Variants in MYO9A observed in about 807,000 individuals in gnomAD.
The protein encoded by MYO9A is myosin IXA, also known as unconventional myosin-IXa.
MYO9A carries 103 observed loss-of-function variants against 293.3 expected under a neutral mutation model. The ratio of observed to expected loss-of-function variants is 0.35; its 90% CI spans 0.30 to 0.41. The LOEUF is 0.41. Ranked by LOEUF, MYO9A falls within the 10% of genes least tolerant of loss-of-function variation. The pLI, the probability that MYO9A is intolerant of heterozygous loss-of-function variation, is 1.00. For synonymous variants in MYO9A, 1,001 were observed against 1,035.7 expected (o/e 0.97, Z 0.64); for missense variants, 2,685 against 3,033.0 (o/e 0.89, Z 2.69).
chr15:72,000,320 T>C (rs2076827627), intron 8 of MYO9A, among the ~76,000 whole-genome samples: 1 of 152,232 alleles, frequency 6.6e-6, no homozygotes, highest in South Asian at 2.1e-4. Context: ...AGGATATTTA[T>C]TTATGTTTCA....
rs764776449 is a variant in MYO9A at position 71,899,925 on chromosome 15, C to T, written c.3232G>A (p.Ala1078Thr). 2.5e-6 allele frequency: 4 copies of T among 1,614,014 alleles called. No individual in the cohort carries two copies. Among genetic ancestry groups the T allele is most frequent in the Non-Finnish European group, 3.4e-6 (4 of 1,180,014 alleles). Residue 1078 changes from alanine to threonine, a missense_variant, in exon 24 of 42, where the codon GCT becomes ACT. Transcript: ENST00000356056. ...CGCCAGGAAGCTTGGAGAAGAGCAG[C>T]TGCACTAGCCATAACAAAAGCATCC... is the stretch of plus-strand genomic sequence containing the variant. ...QKDAFVMASA[A>T]ALLQASWRAH...
chr15:71,959,729 A>G, intron 14 of MYO9A, 172 bp downstream of exon 14: 1 of 611,958 alleles, frequency 1.6e-6, no homozygotes. Flanking sequence ...GAAAAGAAAA[A>G]CTGTTCATAG....
At chr15:71,884,796 G>C (rs1456917993) in intron 27 of MYO9A, among the ~76,000 whole-genome samples, 1 of 151,924 alleles carries the variant, frequency 6.6e-6, no homozygotes, top group Non-Finnish European at 1.5e-5. Flanking sequence ...CTAGGTGACA[G>C]GTACTATGCC....
At chr15:71,910,990 T>C (rs771041161) in intron 19 of MYO9A, among the ~76,000 whole-genome samples, 25 of 152,140 alleles carry the variant, frequency 1.6e-4, no homozygotes, top group Non-Finnish European at 3.2e-4. Flanking sequence ...TTTTAGTAAA[T>C]TTACACAGTT....
chr15:71,883,475 T>C, intron 28 of MYO9A, 119 bp downstream of exon 28: 1 of 1,075,144 alleles, frequency 9.3e-7, no homozygotes, highest in Non-Finnish European at 1.3e-6. Context: ...ATGCTGGTCC[T>C]ATCTCATTAG....
chr15:71,968,486 A>G (rs1488579474), intron 12 of MYO9A, among the ~76,000 whole-genome samples: 3 of 152,168 alleles, frequency 2.0e-5, no homozygotes, highest in African/African-American at 4.8e-5. Context: ...GGGGCCAACA[A>G]CTTCCAAATA....
intron 11 of MYO9A, among the ~76,000 whole-genome samples, chr15:71,980,224 T>C (rs1195289869): frequency 6.6e-6 from 1 of 152,180 alleles, no homozygotes; most frequent in Non-Finnish European, 1.5e-5. Flanking sequence ...CACAAAACTT[T>C]TGGTGTGCAT....
rs1176972850 is a variant in MYO9A at position 71,880,426 on chromosome 15, G to A, written c.5531C>T (p.Ala1844Val). The change falls in exon 29 of 42, where the codon GCT becomes GTT. Residue 1844 changes from alanine (A) to valine (V), a missense_variant. By Grantham distance (64) the Ala-to-Val change is moderately conservative. Transcript: ENST00000356056. The part of the protein sequence containing the change: ...RKRSVKISNV[A>V]LDSMHWQNDS... ...ATTTTGCCAATGCATAGAATCCAAA[G>A]CCACGTTGCTAATCTTCACACTTCG... 6.2e-7 allele frequency: 1 copy of A among 1,614,216 alleles called. No individual in the cohort carries two copies. The highest frequency in any genetic ancestry group is 1.7e-5 in the Admixed American group (1 of 60,026).
chr15:72,011,445 C>A (rs2077171673), intron 6 of MYO9A, among the ~76,000 whole-genome samples: 1 of 151,706 alleles, frequency 6.6e-6, no homozygotes, highest in Non-Finnish European at 1.5e-5. Flanking sequence ...AGTATAAAAA[C>A]CCTCAGAAAA....
intron 34 of MYO9A, among the ~76,000 whole-genome samples, chr15:71,857,276 TTC>T (rs1201497539): frequency 1.3e-5 from 2 of 152,092 alleles, no homozygotes; most frequent in African/African-American, 2.4e-5. Flanking sequence ...GAAAAAAAAA[TTC>T]TGAGTATTTT....
Position 71,979,842 on chromosome 15 carries a change from A to G in MYO9A, c.1723-1550T>C, listed in dbSNP as rs372774179. On this transcript the variant is annotated intron_variant, in intron 11 of 41. Coordinates refer to ENST00000356056, the MANE Select transcript of MYO9A (RefSeq NM_006901.4). ...TAAAAAACAAGAGTATTGGGACTCCATCCCCAGAATTTCTGCTTAAGTAGG... is the reference window on the plus strand; with the variant it reads ...TAAAAAACAAGAGTATTGGGACTCCGTCCCCAGAATTTCTGCTTAAGTAGG... Among the ~76,000 whole-genome samples the G allele has an allele frequency of 2.0e-5, 3 of 152,352 alleles. No individual in the cohort carries two copies. In the East Asian group the frequency reaches 5.8e-4, roughly 29 times the overall value.
intron 1 of MYO9A, among the ~76,000 whole-genome samples, chr15:72,056,784 T>C (rs368032486): frequency 9.8e-5 from 15 of 152,298 alleles, no homozygotes; most frequent in African/African-American, 3.6e-4. Context: ...AAGACCAGCC[T>C]GGCCAACATG....
At chr15:71,866,232 C>T (rs2056319370) in intron 32 of MYO9A, among the ~76,000 whole-genome samples, 2 of 152,174 alleles carry the variant, frequency 1.3e-5, no homozygotes, top group South Asian at 4.1e-4. Flanking sequence ...GTAGACCACA[C>T]TTTGAAACGC....
chr15:72,103,741 T>C (rs1349297768), intron 1 of MYO9A, among the ~76,000 whole-genome samples: 1 of 152,270 alleles, frequency 6.6e-6, no homozygotes, highest in Non-Finnish European at 1.5e-5. Context: ...AGTATTATTA[T>C]ATGCACATGA....
chr15:71,884,429 A>G (rs1463177426), intron 27 of MYO9A, among the ~76,000 whole-genome samples: 1 of 152,176 alleles, frequency 6.6e-6, no homozygotes, highest in Non-Finnish European at 1.5e-5. Flanking sequence ...TTACAATATC[A>G]ACTTTGCTTT....
At chr15:72,097,841 CAG>C (rs2080114586) in intron 1 of MYO9A, among the ~76,000 whole-genome samples, 1 of 149,656 alleles carries the variant, frequency 6.7e-6, no homozygotes, top group African/African-American at 2.5e-5. Context: ...ACCCAGGAGA[CAG>C]AGGTTGCGGT....
At chr15:72,086,091 G>A (rs1189606079) in intron 1 of MYO9A, among the ~76,000 whole-genome samples, 1 of 152,172 alleles carries the variant, frequency 6.6e-6, no homozygotes, top group African/African-American at 2.4e-5. Context: ...GTAAGGCAGT[G>A]GCAGTGGGAT....
chr15:71,988,600 A>C (rs760955093), intron 11 of MYO9A, among the ~76,000 whole-genome samples: 6 of 152,212 alleles, frequency 3.9e-5, no homozygotes, highest in Non-Finnish European at 5.9e-5. Context: ...AAATAGAGGC[A>C]CTTTTTTAAA....
chr15:71,923,085 T>G (rs942366559), intron 18 of MYO9A, among the ~76,000 whole-genome samples: 1 of 152,326 alleles, frequency 6.6e-6, no homozygotes, highest in African/African-American at 2.4e-5. Flanking sequence ...GTTTTTATCA[T>G]GAATGAGTGT....
Sources: gnomAD v4.1 joint callset for allele counts (sites outside exome capture counted in the v4.1 genomes callset) on GRCh38, gnomAD v4.1.1 for gene constraint, MANE v1.5 for transcripts, NCBI Gene and HGNC (gene_info 2026-07-23, HGNC 2026-07-21) for gene names.